Variants in PKD1 observed in about 807,000 individuals in gnomAD.
PKD1 encodes the protein polycystin-1.
In PKD1, 81 loss-of-function variants were observed where a neutral mutation model predicts 361.7. The observed-to-expected ratio is 0.22, with a 90% confidence interval of 0.19 to 0.27. PKD1 has a LOEUF of 0.27. Among genes scored for constraint, PKD1 ranks in the 10% least tolerant of loss-of-function variants. The pLI is 1.00. For synonymous variants in PKD1, 3,615 were observed against 2,818.3 expected, an observed-to-expected ratio of 1.28 and a Z score of -8.95; for missense variants, 6,399 against 6,118.3, an observed-to-expected ratio of 1.05 and a Z score of -1.53.
rs1291673233 is a variant in PKD1, at chr16:2,104,659, G to C, written c.8017-17C>G. ...GCTGGGCCCCTGTGTGGAGCCAGCA[G>C]TGTCCAGCCCCGCTCCTGGCCCCAC... On this transcript the variant is annotated splice_polypyrimidine_tract_variant and intron_variant, in intron 21 of 45. Coordinates refer to ENST00000262304, the MANE Select transcript of PKD1 (RefSeq NM_001009944.3). 3 of 1,446,056 alleles carry C rather than the reference G, an allele frequency of 2.1e-6. No homozygotes were observed. Among genetic ancestry groups the C allele is most frequent in the Non-Finnish European group, 2.8e-6 (3 of 1,053,254 alleles). 89.6% of individuals were successfully genotyped at this position (1,446,056 alleles called of 1,614,324 possible).
In PKD1 at chr16:2,108,109, G is replaced by A. The variant is rs1782036150; in HGVS notation, c.6916-77C>T. 10 of 1,537,464 alleles carry A rather than the reference G, an allele frequency of 6.5e-6. No homozygotes were observed. The Admixed American group carries it at 7.1e-5, about 11-fold the overall frequency. On this transcript the variant is annotated intron_variant, in intron 15 of 45. Transcript: ENST00000262304. ...AAAGCAGAGCCCGGCCCAGGAGACA[G>A]CGCGGGAGACCCCCTCCCCATGCTG...
chr16:2,124,190 A>C (rs1388549747), intron 1 of PKD1, among the ~76,000 whole-genome samples: 2 of 152,204 alleles, frequency 1.3e-5, no homozygotes, highest in Admixed American at 6.5e-5. Context: ...CACCCGTCAC[A>C]GGTGGGGCCA....
At position 2,112,238 on chromosome 16, in the gene PKD1, A is replaced by C. The variant is rs1324539122; in HGVS notation, c.3295+102T>G. 4 of 1,008,714 alleles carry C rather than the reference A, an allele frequency of 4.0e-6. No homozygotes were observed. The East Asian group carries it at 1.0e-4, about 26-fold the overall frequency. 62.5% of individuals were successfully genotyped at this position (1,008,714 alleles called of 1,614,324 possible). A position where few individuals can be genotyped will look rare whatever the true frequency, so the allele number is the denominator to read the frequency against. On this transcript the variant is annotated intron_variant, in intron 14 of 45. Transcript: ENST00000262304. ...CATCAGCCCAGGTGAGGTCACAGTG[A>C]GGGCTGTTGGGGAGGAAGGGGGGCA...
Position 2,100,577 on chromosome 16 carries a change from A to G in PKD1, c.9398-11T>C, listed in dbSNP as rs1208101621. The G allele has an allele frequency of 6.2e-7, 1 of 1,606,992 alleles. No individual in the cohort carries two copies. On this transcript the variant is annotated splice_polypyrimidine_tract_variant and intron_variant, in intron 26 of 45. Coordinates refer to ENST00000262304, the MANE Select transcript of PKD1 (RefSeq NM_001009944.3). The surrounding 1 kb of genome is among the most constrained non-coding windows in gnomAD (Gnocchi z 4.4). ...CGTGGGCCGTGGTACCTGGGAGGCA[A>G]GAGGGAGGGGTGGGAGGCTCGGTCT... is the stretch of plus-strand genomic sequence containing the variant.
Position 2,091,587 on chromosome 16 carries a change from C to T in PKD1, c.11548G>A (p.Val3850Met), listed in dbSNP as rs201422134. The T allele has an allele frequency of 2.6e-6, 4 of 1,554,382 alleles. No homozygotes were observed. In the African/African-American group the frequency reaches 4.1e-5, roughly 16 times the overall value. ...CTGTAGCGCGTGAGCTCCAGGAACA[C>T]AGCGCGGCTCCTGCGCAGAGGGTGC... ...HNWLDNRSRA[V>M]FLELTRYSPA... The change falls in exon 42 of 46, where the codon GTG (valine) becomes ATG (methionine). Residue 3850 changes from valine to methionine, a missense_variant. Physicochemically the swap from Val to Met is conservative, Grantham distance 21 (BLOSUM62 1). Transcript: ENST00000262304.
At chr16:2,094,313 A>G in intron 34 of PKD1, 103 bp from the exon 35 acceptor site, 1 of 756,546 alleles carries the variant, frequency 1.3e-6, no homozygotes, top group East Asian at 2.6e-5. Flanking sequence ...CTCTTGGGTC[A>G]CAGGGTCCCC....
intron 8 of PKD1, 171 bp from the exon 9 acceptor site, chr16:2,116,289 G>T: frequency 1.3e-6 from 1 of 748,006 alleles, no homozygotes; most frequent in Admixed American, 2.1e-5. Context: ...AACTGTCCAT[G>T]GGGGGCAGGA....
intron 1 of PKD1, among the ~76,000 whole-genome samples, chr16:2,128,772 T>C (rs2092830076): frequency 6.6e-6 from 1 of 151,908 alleles, no homozygotes; most frequent in African/African-American, 2.4e-5. Context: ...TGGTGCAATC[T>C]TGCCTCACTG....
intron 30 of PKD1, chr16:2,099,424 A>T: frequency 1.5e-6 from 1 of 647,036 alleles, no homozygotes; most frequent in Non-Finnish European, 2.8e-6. Context: ...GCGTCTGCTT[A>T]GCAAAGTGCC....
chr16:2,116,220 C>CGA, intron 8 of PKD1, 102 bp from the exon 9 acceptor site: 1 of 1,281,322 alleles, frequency 7.8e-7, no homozygotes, highest in Non-Finnish European at 1.1e-6. Flanking sequence ...GGAAGGAGAG[C>CGA]GAGCCATCAG....
chr16:2,109,680 C>G lies in PKD1; in HGVS notation c.5487G>C (p.Leu1829=). ...ACCAGCTCACATTGGTGCCCGTGGCCAGCTGCCCCCAAAAGGGCACAGAGG... is the reference window on the plus strand; with the variant it reads ...ACCAGCTCACATTGGTGCCCGTGGCGAGCTGCCCCCAAAAGGGCACAGAGG... ...AGSSVPFWGQ[L]ATGTNVSWCW... The change falls in exon 15 of 46, where the codon CTG becomes CTC. Residue 1829 remains leucine, a synonymous_variant. Coordinates refer to ENST00000262304, the MANE Select transcript of PKD1 (RefSeq NM_001009944.3). The G allele has an allele frequency of 1.3e-6, 2 of 1,587,908 alleles. No homozygotes were observed. Among genetic ancestry groups the G allele is most frequent in the Non-Finnish European group, 1.7e-6 (2 of 1,168,554 alleles).
intron 14 of PKD1, 80 bp from the exon 15 acceptor site, chr16:2,111,951 G>A (rs1284855871): frequency 1.0e-5 from 15 of 1,469,894 alleles, no homozygotes; most frequent in Non-Finnish European, 1.4e-5. Context: ...CCCCGCCTGA[G>A]GAGCCCGGGG....
At position 2,090,464 on chromosome 16, in the gene PKD1, C is replaced by T; in HGVS notation, c.12265G>A (p.Gly4089Arg). ...CCCCACAGCCGCAGTGCCCAGAGCC[C>T]CACACACAGCAGGGGTGACAGGTGC... ...SWHLSPLLCV[G>R]LWALRLWGAL... Residue 4089 changes from glycine (G) to arginine (R), a missense_variant, in exon 45 of 46, where the codon GGG becomes AGG. Physicochemically the swap from Gly to Arg is moderately radical, Grantham distance 125 (BLOSUM62 -2). Coordinates refer to ENST00000262304, the MANE Select transcript of PKD1 (RefSeq NM_001009944.3). 1.2e-6 allele frequency: 2 copies of T among 1,612,348 alleles called. No individual in the cohort carries two copies. Among genetic ancestry groups the T allele is most frequent in the Non-Finnish European group, 1.7e-6 (2 of 1,179,786 alleles).
At position 2,089,040 on chromosome 16, in the gene PKD1, G is replaced by C. The variant is rs553711172; in HGVS notation, c.*687C>G. On this transcript the variant is annotated 3_prime_UTR_variant, in exon 46 of 46. Transcript: ENST00000262304. ...CTGGGCGCTGCTCTCTTGCTACCTG[G>C]CCTGGGGCAAGGGAGGATGACAAGG... The C allele has an allele frequency of 5.1e-6, 1 of 197,920 alleles. No homozygotes were observed. The highest frequency in any genetic ancestry group is 2.3e-5 in the African/African-American group (1 of 42,850). 12.3% of individuals were successfully genotyped at this position (197,920 alleles called of 1,614,324 possible).
Position 2,091,482 on chromosome 16 carries a change from C to A in PKD1, c.11653G>T (p.Val3885Phe). Residue 3885 changes from valine (V) to phenylalanine (F), a missense_variant, in exon 42 of 46, where the codon GTC (valine) becomes TTC (phenylalanine). Physicochemically the swap from Val to Phe is conservative, Grantham distance 50. Transcript: ENST00000262304. ...AAGRALAALS[V>F]RPFALRRLSA... ...AGGCGGCGCAGCGCAAAGGGGCGGA[C>A]GCTGAGGGCGGCCAGGGCGCGGCCG... The A allele has an allele frequency of 7.3e-7, 1 of 1,375,274 alleles. No homozygotes were observed. Among genetic ancestry groups the A allele is most frequent in the Admixed American group, 3.6e-5 (1 of 27,612 alleles). The allele number at this position is 1,375,274 out of a possible 1,614,324, so 85.2% of individuals were successfully genotyped here. A position where few individuals can be genotyped will look rare whatever the true frequency, so the allele number is the denominator to read the frequency against.
In PKD1 at chr16:2,099,700, C is replaced by A. The variant is rs1272713748; in HGVS notation, c.9994G>T (p.Val3332Phe). ...ATGGCCAGGTAGACGGGATAGACAA[C>A]CACGCTGGACACCAGGCCAACAGCG... is the stretch of plus-strand genomic sequence containing the variant. Reference protein sequence around the residue: ...TVAVGLVSSVVVYPVYLAILF... With the variant: ...TVAVGLVSSVFVYPVYLAILF... Residue 3332 changes from valine to phenylalanine, a missense_variant, in exon 30 of 46, where the codon GTT becomes TTT. Transcript: ENST00000262304. 24 of 1,590,892 alleles carry A rather than the reference C, an allele frequency of 1.5e-5. No homozygotes were observed. Among genetic ancestry groups the A allele is most frequent in the Non-Finnish European group, 1.8e-5 (21 of 1,174,606 alleles).
At position 2,119,550 on chromosome 16, in the gene PKD1, C is replaced by T; in HGVS notation, c.216-172G>A. 5.9e-6 allele frequency: 4 copies of T among 676,000 alleles called. No individual in the cohort carries two copies. The Admixed American group carries it at 6.4e-5, about 11-fold the overall frequency. 41.9% of individuals were successfully genotyped at this position (676,000 alleles called of 1,614,324 possible). On this transcript the variant is annotated intron_variant, in intron 1 of 45. Coordinates refer to ENST00000262304, the MANE Select transcript of PKD1 (RefSeq NM_001009944.3). ...CTGATGGAAGACCCAAATGAACACT[C>T]ATCTGGGGAAACCAAGCCAGGAGAG...
chr16:2,110,807 C>A lies in PKD1; in HGVS notation c.4360G>T (p.Ala1454Ser). The A allele has an allele frequency of 6.2e-7, 1 of 1,611,492 alleles. No homozygotes were observed. The highest frequency in any genetic ancestry group is 8.5e-7 in the Non-Finnish European group (1 of 1,179,830). ...ACCTCCACCAGGGCTGAGTCATTGGCAGCAGAGATGTTGTTGGACGCGGTG... is the reference window on the plus strand; with the variant it reads ...ACCTCCACCAGGGCTGAGTCATTGGAAGCAGAGATGTTGTTGGACGCGGTG... ...TVTASNNISA[A>S]NDSALVEVQE... The change falls in exon 15 of 46, where the codon GCC becomes TCC. Residue 1454 changes from alanine (A) to serine (S), a missense_variant. By Grantham distance (99) the Ala-to-Ser change is moderately conservative. Transcript: ENST00000262304.
At chr16:2,121,541 C>A (rs2092721186) in intron 1 of PKD1, among the ~76,000 whole-genome samples, 1 of 152,146 alleles carries the variant, frequency 6.6e-6, no homozygotes, top group African/African-American at 2.4e-5. Context: ...CAACAGAAAC[C>A]ACAGGGCGGC....
Sources: gnomAD v4.1 joint callset for allele counts (sites outside exome capture counted in the v4.1 genomes callset) on GRCh38, gnomAD v4.1.1 for gene constraint, Gnocchi (gnomAD v3.1) non-coding constraint, MANE v1.5 for transcripts, NCBI Gene and HGNC (gene_info 2026-07-23, HGNC 2026-07-21) for gene names.